ECT2L: variants seen among roughly 807,000 people sequenced by gnomAD.
The protein encoded by ECT2L is epithelial cell transforming 2 like, also known as epithelial cell-transforming sequence 2 oncogene-like.
A neutral mutation model predicts 122.8 loss-of-function variants in ECT2L; 126 were observed. The ratio of observed to expected loss-of-function variants is 1.03; its 90% CI spans 0.89 to 1.19. ECT2L has a LOEUF of 1.19. Among genes scored for constraint, ECT2L ranks in the 50% most tolerant of loss-of-function variants. ECT2L has a pLI of 0.00. For synonymous variants in ECT2L, 385 were observed against 381.8 expected (o/e 1.01, Z -0.10); for missense variants, 1,012 against 1,064.1 (o/e 0.95, Z 0.68).
At chr6:138,829,030 T>C (rs879686780) in intron 4 of ECT2L, among the ~76,000 whole-genome samples, 127 of 152,102 alleles carry the variant, frequency 8.3e-4, no homozygotes, top group Middle Eastern at 3.4e-3. Flanking sequence ...AAATTTTTTT[T>C]TTTTTTTGTA....
At chr6:138,865,937 CAT>C (rs757107505) in intron 12 of ECT2L, among the ~76,000 whole-genome samples, 3 of 152,020 alleles carry the variant, frequency 2.0e-5, no homozygotes, top group African/African-American at 7.3e-5. Flanking sequence ...GGTCTGTTTA[CAT>C]AGTTACCATC....
intron 20 of ECT2L, among the ~76,000 whole-genome samples, chr6:138,892,292 A>T (rs1208692672): frequency 6.6e-6 from 1 of 152,042 alleles, no homozygotes; most frequent in East Asian, 1.9e-4. Context: ...TTCTGGTATT[A>T]TCTTTTCTTT....
intron 4 of ECT2L, among the ~76,000 whole-genome samples, chr6:138,815,244 CTGAGT>C (rs539384845): frequency 1.5e-3 from 226 of 152,306 alleles, no homozygotes; most frequent in African/African-American, 5.2e-3. Context: ...GTCACAATAC[CTGAGT>C]TATTAGATAC....
At position 138,845,374 on chromosome 6, in the gene ECT2L, G is replaced by C. The variant is rs141052900; in HGVS notation, c.764+794G>C. ...TCTTCTGCCTCAGCCTCCAGAGCAGGTGGGACTATAGGTGCGCACTACCAT... is the reference window on the plus strand; with the variant it reads ...TCTTCTGCCTCAGCCTCCAGAGCAGCTGGGACTATAGGTGCGCACTACCAT... On this transcript the variant is annotated intron_variant, in intron 7 of 21. Coordinates refer to ENST00000541398, the MANE Select transcript of ECT2L (RefSeq NM_001077706.3). 8.6e-3 allele frequency among the ~76,000 whole-genome samples: 1,307 copies of C among 152,018 alleles called. 23 individuals are homozygous for C. The highest frequency in any genetic ancestry group is 0.03 in the African/African-American group (1,239 of 41,478).
chr6:138,894,662 T>G (rs887932207), intron 20 of ECT2L, among the ~76,000 whole-genome samples: 4 of 152,202 alleles, frequency 2.6e-5, no homozygotes, highest in African/African-American at 9.7e-5. Flanking sequence ...CTTCACATAC[T>G]GGAAATTGTA....
At chr6:138,851,674 A>AT (rs567918024) in intron 9 of ECT2L, among the ~76,000 whole-genome samples, 1 of 151,226 alleles carries the variant, frequency 6.6e-6, no homozygotes, top group Non-Finnish European at 1.5e-5. Context: ...GGGTTATTTG[A>AT]TTTTTTTCAC....
At chr6:138,850,685 T>C (rs116503812) in intron 9 of ECT2L, among the ~76,000 whole-genome samples, 3,804 of 152,212 alleles carry the variant, frequency 0.025, 135 homozygotes, top group African/African-American at 0.087. Context: ...ATGGATTATA[T>C]GATAGTTCTA....
rs199733102 is a variant in ECT2L at position 138,823,585 on chromosome 6, G to T, written c.179+8982G>T. ...ATCACCAGCTGCAACATGAGCAAAC[G>T]CATGGACATCGCCATCCAAGTCACA... On this transcript the variant is annotated intron_variant, in intron 4 of 21. Coordinates refer to ENST00000541398, the MANE Select transcript of ECT2L (RefSeq NM_001077706.3). The T allele has an allele frequency of 2.2e-5, 32 of 1,439,180 alleles. 4 individuals are homozygous for T. The highest frequency in any genetic ancestry group is 3.0e-5 in the Non-Finnish European group (32 of 1,059,846). The allele number at this position is 1,439,180 out of a possible 1,614,324, so 89.2% of individuals were successfully genotyped here. A position where few individuals can be genotyped will look rare whatever the true frequency, so the allele number is the denominator to read the frequency against.
At chr6:138,873,489 A>G (rs77820019) in intron 13 of ECT2L, among the ~76,000 whole-genome samples, 5,394 of 152,314 alleles carry the variant, frequency 0.035, 321 homozygotes, top group African/African-American at 0.12. Context: ...CTTCTCTGAG[A>G]TAATTGCTTT....
intron 1 of ECT2L, among the ~76,000 whole-genome samples, chr6:138,797,659 A>T (rs1413791806): frequency 6.6e-6 from 1 of 152,122 alleles, no homozygotes; most frequent in Non-Finnish European, 1.5e-5. Flanking sequence ...AAAAAACAAA[A>T]AACTTTTTTC....
intron 4 of ECT2L, among the ~76,000 whole-genome samples, chr6:138,822,001 C>T (rs1776282430): frequency 6.6e-6 from 1 of 152,246 alleles, no homozygotes; most frequent in African/African-American, 2.4e-5. Context: ...AGACTTCTGA[C>T]CTCCAGAACC....
intron 11 of ECT2L, 83 bp from the exon 12 acceptor site, chr6:138,864,913 G>T (rs1367299280): frequency 5.2e-5 from 69 of 1,327,200 alleles, no homozygotes; most frequent in Admixed American, 2.0e-4. Flanking sequence ...ATGCAACTAA[G>T]ATTTTGTTGT....
At chr6:138,877,245 G>A (rs1351063721) in intron 14 of ECT2L, among the ~76,000 whole-genome samples, 1 of 152,112 alleles carries the variant, frequency 6.6e-6, no homozygotes, top group East Asian at 1.9e-4. Flanking sequence ...CAGACCTGGG[G>A]CTCTTTCCCA....
chr6:138,866,128 A>G (rs1778027835), intron 12 of ECT2L, among the ~76,000 whole-genome samples: 1 of 150,734 alleles, frequency 6.6e-6, no homozygotes, highest in African/African-American at 2.4e-5. Context: ...AGTTGTAAAC[A>G]GGGAGAAAGT....
At chr6:138,853,319 T>TA (rs1371856352) in intron 9 of ECT2L, among the ~76,000 whole-genome samples, 1 of 152,204 alleles carries the variant, frequency 6.6e-6, no homozygotes, top group African/African-American at 2.4e-5. Flanking sequence ...CTCAAAGACC[T>TA]AGTTTACTTC....
intron 4 of ECT2L, among the ~76,000 whole-genome samples, chr6:138,830,182 A>G (rs1776598014): frequency 6.6e-6 from 1 of 152,220 alleles, no homozygotes; most frequent in Admixed American, 6.5e-5. Flanking sequence ...ATGGTTACAG[A>G]AGTCACATCT....
chr6:138,855,342 T>A (rs1013993648), intron 10 of ECT2L, among the ~76,000 whole-genome samples: 1 of 151,986 alleles, frequency 6.6e-6, no homozygotes. Flanking sequence ...ACCCCATCTC[T>A]ACTAAAAATA....
intron 9 of ECT2L, among the ~76,000 whole-genome samples, chr6:138,853,502 C>A (rs541843132): frequency 6.6e-6 from 1 of 152,178 alleles, no homozygotes; most frequent in Admixed American, 6.5e-5. Context: ...ATCACCGGAG[C>A]CTGGGGATGC....
rs764896932 is a variant in ECT2L at position 138,882,765 on chromosome 6, G to A, written c.1922G>A (p.Gly641Asp). ...DNLRDRLQEWGPAHCVGEIVT... is the reference protein window; with the variant it reads ...DNLRDRLQEWDPAHCVGEIVT... ...CTGAGAGACAGACTGCAGGAATGGG[G>A]CCCAGCTCACTGTGTGGGAGAAATA... is the stretch of plus-strand genomic sequence containing the variant. Residue 641 changes from glycine to aspartate, a missense_variant, in exon 16 of 22, where the codon GGC (glycine) becomes GAC (aspartate). By Grantham distance (94) the Gly-to-Asp change is moderately conservative. Transcript: ENST00000541398. 1.9e-6 allele frequency: 3 copies of A among 1,614,216 alleles called. No individual in the cohort carries two copies. Among genetic ancestry groups the A allele is most frequent in the East Asian group, 2.2e-5 (1 of 44,892 alleles).
Sources: allele counts gnomAD v4.1 joint callset (sites outside exome capture counted in the v4.1 genomes callset), GRCh38; gene constraint gnomAD v4.1.1; transcripts MANE v1.5; gene names NCBI Gene and HGNC (gene_info 2026-07-23, HGNC 2026-07-21).